The following PCDH7 variants were observed in gnomAD, a reference collection of about 807,000 sequenced individuals.
PCDH7 encodes protocadherin-7.
PCDH7 carries 17 observed loss-of-function variants against 58.9 expected under a neutral mutation model. That is an observed-to-expected ratio of 0.29 (90% confidence interval 0.20 to 0.43). The LOEUF (loss-of-function observed/expected upper bound fraction) is 0.43, where lower values mean the gene tolerates loss of function less well. PCDH7 is among the 20% of genes least tolerant of loss of function. The probability of loss-of-function intolerance (pLI) is 1.00; values close to 1 mark genes in which losing one functional copy is unlikely to be tolerated. For missense variants in PCDH7, 1,274 were observed against 1,441.0 expected, an observed-to-expected ratio of 0.88 and a Z score of 1.88; for synonymous variants, 664 against 616.4, an observed-to-expected ratio of 1.08 and a Z score of -1.14.
chr4:30,724,860 A>C (rs1033348306), intron 1 of PCDH7: 1 of 1,273,868 alleles, frequency 7.9e-7, no homozygotes, highest in Non-Finnish European at 1.0e-6. Context: ...TTCTCTTTGC[A>C]CTTGACATCC....
intron 3 of PCDH7, among the ~76,000 whole-genome samples, chr4:31,058,295 T>C (rs965943704): frequency 6.6e-6 from 1 of 152,098 alleles, no homozygotes; most frequent in African/African-American, 2.4e-5. Context: ...TATTCTTTGT[T>C]TTAATCCATT....
At chr4:30,892,928 T>C (rs1738810930) in intron 1 of PCDH7, among the ~76,000 whole-genome samples, 1 of 152,092 alleles carries the variant, frequency 6.6e-6, no homozygotes, top group African/African-American at 2.4e-5. Context: ...CCTGTTTACC[T>C]AGGCCACTTC....
At chr4:31,041,010 C>T (rs1251342953) in intron 3 of PCDH7, among the ~76,000 whole-genome samples, 1 of 152,170 alleles carries the variant, frequency 6.6e-6, no homozygotes, top group African/African-American at 2.4e-5. Context: ...AGGAAAAGTA[C>T]AATTGCTTTT....
intron 1 of PCDH7, among the ~76,000 whole-genome samples, chr4:30,830,132 A>T (rs1255117269): frequency 2.0e-5 from 3 of 152,106 alleles, no homozygotes; most frequent in Non-Finnish European, 4.4e-5. Context: ...GTCAAATCTG[A>T]TTCAACTATG....
At chr4:31,114,129 C>T (rs553398356) in intron 3 of PCDH7, among the ~76,000 whole-genome samples, 10 of 152,122 alleles carry the variant, frequency 6.6e-5, no homozygotes, top group South Asian at 2.1e-4. Flanking sequence ...CCACTGCAGC[C>T]GGCCTAAAAT....
At chr4:30,756,182 A>G (rs1326289684) in intron 1 of PCDH7, among the ~76,000 whole-genome samples, 1 of 151,620 alleles carries the variant, frequency 6.6e-6, no homozygotes, top group African/African-American at 2.4e-5. Flanking sequence ...ATAACAACCC[A>G]CTCTAGATGG....
intron 3 of PCDH7, among the ~76,000 whole-genome samples, chr4:31,140,608 TAAAA>T (rs34075687): frequency 8.4e-6 from 1 of 119,696 alleles, no homozygotes; most frequent in Non-Finnish European, 1.8e-5. Context: ...TAGGTCAGGT[TAAAA>T]AAAAAAAAAA....
At chr4:30,753,012 A>T (rs7670155) in intron 1 of PCDH7, among the ~76,000 whole-genome samples, 86,254 of 151,852 alleles carry the variant, frequency 0.57, 25,748 homozygotes, top group African/African-American at 0.76. Flanking sequence ...TTTTGGGAAG[A>T]CCTGAAAGGA....
chr4:31,125,074 G>GT (rs904706083), intron 3 of PCDH7, among the ~76,000 whole-genome samples: 72 of 152,004 alleles, frequency 4.7e-4, no homozygotes, highest in East Asian at 1.4e-3. Flanking sequence ...AGATAAACCT[G>GT]TTTTTTTTAG....
At chr4:31,046,950 T>C (rs1316503353) in intron 3 of PCDH7, among the ~76,000 whole-genome samples, 2 of 152,030 alleles carry the variant, frequency 1.3e-5, no homozygotes, top group Middle Eastern at 3.2e-3. Context: ...ATAATTGTTA[T>C]AAAGGGATAA....
intron 1 of PCDH7, among the ~76,000 whole-genome samples, chr4:30,822,612 TA>T (rs1413998332): frequency 6.6e-6 from 1 of 152,184 alleles, no homozygotes; most frequent in African/African-American, 2.4e-5. Context: ...CTCTTTATAT[TA>T]AAAATTTATA....
chr4:31,131,410 T>C (rs1209728122), intron 3 of PCDH7, among the ~76,000 whole-genome samples: 2 of 152,152 alleles, frequency 1.3e-5, no homozygotes, highest in Non-Finnish European at 2.9e-5. Flanking sequence ...TGCTCTGCAC[T>C]CCTGAGCTCT....
At chr4:31,056,517 G>C (rs1757248791) in intron 3 of PCDH7, among the ~76,000 whole-genome samples, 1 of 95,038 alleles carries the variant, frequency 1.1e-5, no homozygotes, top group Non-Finnish European at 2.2e-5. Flanking sequence ...AAGAAAGAAA[G>C]GGGAAGGGAA....
chr4:31,125,889 G>A (rs1328691065), intron 3 of PCDH7, among the ~76,000 whole-genome samples: 1 of 152,134 alleles, frequency 6.6e-6, no homozygotes, highest in Non-Finnish European at 1.5e-5. Flanking sequence ...TAACCTCATT[G>A]TAAGTCAAGA....
intron 1 of PCDH7, among the ~76,000 whole-genome samples, chr4:30,756,496 G>T (rs73213186): frequency 6.6e-6 from 1 of 152,168 alleles, no homozygotes; most frequent in African/African-American, 2.4e-5. Flanking sequence ...AATCCTTAAT[G>T]TCTGATGCTA....
intron 3 of PCDH7, among the ~76,000 whole-genome samples, chr4:31,034,553 A>G (rs563336512): frequency 6.6e-6 from 1 of 152,228 alleles, no homozygotes; most frequent in Non-Finnish European, 1.5e-5. Context: ...CTTTTACAAA[A>G]TTTCAGATAA....
chr4:30,921,004 T>G (rs1236905163), intron 2 of PCDH7, among the ~76,000 whole-genome samples: 1 of 152,178 alleles, frequency 6.6e-6, no homozygotes, highest in African/African-American at 2.4e-5. Context: ...ATTTTTATAC[T>G]GTTTTGAGGT....
At chr4:30,991,964 C>G (rs1751498813) in intron 3 of PCDH7, among the ~76,000 whole-genome samples, 1 of 152,040 alleles carries the variant, frequency 6.6e-6, no homozygotes, top group South Asian at 2.1e-4. Context: ...AAAACTTATT[C>G]TGTGTGGTGA....
chr4:31,035,795 T>C (rs2109194900), intron 3 of PCDH7, among the ~76,000 whole-genome samples: 1 of 152,348 alleles, frequency 6.6e-6, no homozygotes, highest in Non-Finnish European at 1.5e-5. Flanking sequence ...ATGTTTTCTT[T>C]AAAGTTCCTT....
Sources: allele counts gnomAD v4.1 joint callset (sites outside exome capture counted in the v4.1 genomes callset), GRCh38; gene constraint gnomAD v4.1.1; transcripts MANE v1.5; gene names NCBI Gene and HGNC (gene_info 2026-07-23, HGNC 2026-07-21).